The following MDGA2 variants were observed in gnomAD, a reference collection of about 807,000 sequenced individuals.
The protein encoded by MDGA2 is MAM domain containing glycosylphosphatidylinositol anchor 2.
In MDGA2, 40 loss-of-function variants were observed where a neutral mutation model predicts 117.8. That is an observed-to-expected ratio of 0.34 (90% CI 0.26 to 0.44). MDGA2 has a LOEUF of 0.44. Among genes scored for constraint, MDGA2 ranks in the 20% least tolerant of loss-of-function variants. The pLI is 1.00. For synonymous variants in MDGA2, 452 were observed against 439.0 expected (o/e 1.03, Z -0.37); for missense variants, 1,123 against 1,250.6 (o/e 0.90, Z 1.54).
intron 1 of MDGA2, among the ~76,000 whole-genome samples, chr14:47,435,901 T>C (rs1892887556): frequency 6.6e-6 from 1 of 152,116 alleles, no homozygotes; most frequent in African/African-American, 2.4e-5. Flanking sequence ...GTTTGCATCA[T>C]TCAATTTCTT....
chr14:47,052,217 G>A (rs960176432), intron 7 of MDGA2, among the ~76,000 whole-genome samples: 2 of 151,506 alleles, frequency 1.3e-5, no homozygotes, highest in African/African-American at 4.8e-5. Context: ...CCCATTGCTT[G>A]CATTAGAAAA....
intron 7 of MDGA2, among the ~76,000 whole-genome samples, chr14:47,044,197 T>C (rs184328499): frequency 1.3e-5 from 2 of 152,282 alleles, no homozygotes; most frequent in East Asian, 3.9e-4. Context: ...CAAGGCTTAA[T>C]TATAAAGCAT....
At chr14:47,445,868 A>C (rs1365468408) in intron 1 of MDGA2, among the ~76,000 whole-genome samples, 3 of 152,186 alleles carry the variant, frequency 2.0e-5, no homozygotes, top group African/African-American at 7.2e-5. Flanking sequence ...CCAATGAGTC[A>C]GAAATGGAAT....
At chr14:47,438,800 T>C (rs1378636269) in intron 1 of MDGA2, among the ~76,000 whole-genome samples, 2 of 152,122 alleles carry the variant, frequency 1.3e-5, no homozygotes, top group African/African-American at 4.8e-5. Context: ...CTCCAAGCTC[T>C]ATCAGGGAAA....
chr14:47,558,890 G>A (rs1895739617), intron 1 of MDGA2, among the ~76,000 whole-genome samples: 1 of 152,022 alleles, frequency 6.6e-6, no homozygotes, highest in Admixed American at 6.5e-5. Context: ...TTTTTTTAAA[G>A]AAGTAAAATA....
intron 2 of MDGA2, among the ~76,000 whole-genome samples, chr14:47,274,113 A>G (rs1045393437): frequency 1.3e-5 from 2 of 152,110 alleles, no homozygotes; most frequent in African/African-American, 4.8e-5. Flanking sequence ...TTTACAATTC[A>G]GTGTTTAATA....
intron 3 of MDGA2, among the ~76,000 whole-genome samples, chr14:47,214,474 T>C (rs1013014486): frequency 6.6e-6 from 1 of 152,144 alleles, no homozygotes; most frequent in East Asian, 1.9e-4. Flanking sequence ...TTTCAAACTG[T>C]ATTCTTGATT....
chr14:46,913,177 C>G (rs2138488130), intron 10 of MDGA2, among the ~76,000 whole-genome samples: 1 of 152,222 alleles, frequency 6.6e-6, no homozygotes, highest in Non-Finnish European at 1.5e-5. Flanking sequence ...TTCCATTTTT[C>G]TTCTTCTCCC....
chr14:47,591,119 A>T (rs1312053226), intron 1 of MDGA2, among the ~76,000 whole-genome samples: 1 of 152,082 alleles, frequency 6.6e-6, no homozygotes, highest in African/African-American at 2.4e-5. Context: ...GAATCTTATA[A>T]CATTTTAGTA....
chr14:47,144,499 G>C (rs1882855947), intron 3 of MDGA2, among the ~76,000 whole-genome samples: 1 of 151,826 alleles, frequency 6.6e-6, no homozygotes, highest in South Asian at 2.1e-4. Context: ...AATTAATCTT[G>C]TATATTTCTA....
At chr14:47,383,976 A>AGAT (rs1566763387) in intron 1 of MDGA2, among the ~76,000 whole-genome samples, 2 of 124,328 alleles carry the variant, frequency 1.6e-5, no homozygotes, top group Non-Finnish European at 3.3e-5. Context: ...AGAGTTAAAT[A>AGAT]GATAGATGAT....
Position 46,874,186 on chromosome 14 carries a change from C to A in MDGA2, c.2452G>T (p.Gly818Ter). 2 of 1,425,966 alleles carry A rather than the reference C, an allele frequency of 1.4e-6. No homozygotes were observed. The highest frequency in any genetic ancestry group is 1.8e-5 in the South Asian group (1 of 55,870). 88.3% of individuals were successfully genotyped at this position (1,425,966 alleles called of 1,614,324 possible). Residue 818 changes from glycine (G) to a stop codon, truncating the protein, a stop_gained, in exon 13 of 17, where the codon GGA becomes TGA. Transcript: ENST00000399232. LOFTEE classifies it high-confidence loss of function. ...VNPHLREFHC[G>*]FEDGNICLFT... ...AAACAAATATTACCATCTTCAAATCCACAATGAAATTCTCCTGTTGGTAAA... is the reference window on the plus strand; with the variant it reads ...AAACAAATATTACCATCTTCAAATCAACAATGAAATTCTCCTGTTGGTAAA...
intron 6 of MDGA2, among the ~76,000 whole-genome samples, chr14:47,085,321 G>C (rs929590993): frequency 2.6e-5 from 4 of 152,094 alleles, no homozygotes; most frequent in African/African-American, 9.7e-5. Context: ...CATTATAATA[G>C]AAAACACATG....
At chr14:47,396,818 TA>T (rs1284945760) in intron 1 of MDGA2, among the ~76,000 whole-genome samples, 2 of 152,084 alleles carry the variant, frequency 1.3e-5, no homozygotes, top group African/African-American at 4.8e-5. Context: ...TGGCGATCCT[TA>T]AAAAGTTAGG....
chr14:47,313,214 TTAAC>T (rs1889699431), intron 1 of MDGA2, among the ~76,000 whole-genome samples: 2 of 152,078 alleles, frequency 1.3e-5, no homozygotes, highest in Non-Finnish European at 2.9e-5. Flanking sequence ...TATTTAGACT[TTAAC>T]TAATCTAAGC....
intron 1 of MDGA2, among the ~76,000 whole-genome samples, chr14:47,307,200 T>A (rs532869396): frequency 6.6e-6 from 1 of 152,242 alleles, no homozygotes; most frequent in South Asian, 2.1e-4. Context: ...TTCTTTCCTA[T>A]CTGAGTTTCT....
intron 1 of MDGA2, among the ~76,000 whole-genome samples, chr14:47,314,086 T>C (rs200095358): frequency 6.6e-6 from 1 of 152,078 alleles, no homozygotes; most frequent in East Asian, 1.9e-4. Context: ...AGAGATTGAG[T>C]AAGCACTGTG....
intron 3 of MDGA2, among the ~76,000 whole-genome samples, chr14:47,172,342 TC>T (rs1884189477): frequency 6.6e-6 from 1 of 150,896 alleles, no homozygotes; most frequent in African/African-American, 2.5e-5. Flanking sequence ...GCAAACTGCC[TC>T]CTCAAGTGGG....
chr14:46,910,951 C>T (rs891654187), intron 10 of MDGA2, among the ~76,000 whole-genome samples: 6 of 152,008 alleles, frequency 3.9e-5, no homozygotes, highest in Admixed American at 2.0e-4. Flanking sequence ...GATGTGAACA[C>T]GTGGACAAAT....
Sources: allele counts gnomAD v4.1 joint callset (sites outside exome capture counted in the v4.1 genomes callset), GRCh38; gene constraint gnomAD v4.1.1; transcripts MANE v1.5; gene names NCBI Gene and HGNC (gene_info 2026-07-23, HGNC 2026-07-21).